PRDM16: variants seen among roughly 807,000 people sequenced by gnomAD.
PRDM16 encodes the protein histone-lysine N-methyltransferase PRDM16.
A neutral mutation model predicts 110.6 loss-of-function variants in PRDM16; 23 were observed. The observed-to-expected ratio is 0.21, with a 90% CI of 0.15 to 0.29. PRDM16 has a LOEUF of 0.29. Among genes scored for constraint, PRDM16 ranks in the 10% least tolerant of loss-of-function variants. The pLI is 1.00. For synonymous variants in PRDM16, 799 were observed against 781.8 expected, an observed-to-expected ratio of 1.02 and a Z score of -0.37; for missense variants, 1,615 against 1,794.3, an observed-to-expected ratio of 0.90 and a Z score of 1.81.
chr1:3,181,936 A>T (rs1644213883), intron 1 of PRDM16, among the ~76,000 whole-genome samples: 1 of 151,842 alleles, frequency 6.6e-6, no homozygotes, highest in Admixed American at 6.6e-5. Context: ...GGTCTTACAC[A>T]TGCTTACACA....
intron 1 of PRDM16, among the ~76,000 whole-genome samples, chr1:3,110,552 G>A (rs1320860755): frequency 6.6e-6 from 1 of 152,108 alleles, no homozygotes; most frequent in Non-Finnish European, 1.5e-5. Context: ...CCATGTCCTG[G>A]GTGTGGGGAC....
chr1:3,141,684 T>C (rs1643552977), intron 1 of PRDM16, among the ~76,000 whole-genome samples: 1 of 152,234 alleles, frequency 6.6e-6, no homozygotes, highest in African/African-American at 2.4e-5. Context: ...AAGGAGATGA[T>C]ACATTTTGTG....
intron 2 of PRDM16, among the ~76,000 whole-genome samples, chr1:3,236,997 G>C (rs1639554068): frequency 6.6e-6 from 1 of 152,172 alleles, no homozygotes; most frequent in Non-Finnish European, 1.5e-5. Context: ...GAAGCTGGGG[G>C]GCACAGGCCG....
intron 2 of PRDM16, among the ~76,000 whole-genome samples, chr1:3,210,800 G>A (rs769254658): frequency 1.1e-4 from 16 of 152,096 alleles, no homozygotes; most frequent in Admixed American, 2.6e-4. Context: ...TCATTCATTC[G>A]TTAGATATCG....
At chr1:3,077,048 C>G (rs1229442072) in intron 1 of PRDM16, among the ~76,000 whole-genome samples, 2 of 152,156 alleles carry the variant, frequency 1.3e-5, no homozygotes, top group Non-Finnish European at 2.9e-5. Context: ...TGAAGTGACC[C>G]CCACAGGGCA....
chr1:3,184,789 T>C (rs2651929), intron 1 of PRDM16, among the ~76,000 whole-genome samples: 64,240 of 152,036 alleles, frequency 0.42, 14,913 homozygotes, highest in African/African-American at 0.62. Context: ...GTCGTCTAAA[T>C]GCCGCCAAGC....
Position 3,250,066 on chromosome 1 carries a change from G to A in PRDM16, c.438+5929G>A, listed in dbSNP as rs541092028. Among the ~76,000 whole-genome samples the A allele has an allele frequency of 7.2e-5, 11 of 152,142 alleles. No individual in the cohort carries two copies. In the East Asian group the frequency reaches 7.7e-4, roughly 11 times the overall value. On this transcript the variant is annotated intron_variant, in intron 3 of 16. Transcript: ENST00000270722. ...GCCGTGGCCCTGGGGACCCTCATCC[G>A]CCCCTGGGGACCAGCCCAGGTGCCT...
At chr1:3,136,842 G>A (rs979479058) in intron 1 of PRDM16, among the ~76,000 whole-genome samples, 2 of 152,216 alleles carry the variant, frequency 1.3e-5, no homozygotes, top group Non-Finnish European at 1.5e-5. Context: ...GGGTCAGTTG[G>A]GGGTCCGGGA....
At position 3,069,809 on chromosome 1, in the gene PRDM16, C is replaced by G. The variant is rs1009074474; in HGVS notation, c.37+513C>G. On this transcript the variant is annotated intron_variant, in intron 1 of 16. Coordinates refer to ENST00000270722, the MANE Select transcript of PRDM16 (RefSeq NM_022114.4). The surrounding 1 kb of genome is among the most constrained non-coding windows in gnomAD (Gnocchi z 6.1). Reference sequence around the variant, plus strand: ...AGCACCGCCTTTGGCGTCCGCCAGCCGGGCGCAGAGGAGGGAGACCCCGAG... The same window carrying G: ...AGCACCGCCTTTGGCGTCCGCCAGCGGGGCGCAGAGGAGGGAGACCCCGAG... Among the ~76,000 whole-genome samples, 2 of 152,008 alleles carry G rather than the reference C, an allele frequency of 1.3e-5. No homozygotes were observed. The highest frequency in any genetic ancestry group is 6.5e-5 in the Admixed American group (1 of 15,280).
chr1:3,235,697 G>A (rs1018367744), intron 2 of PRDM16, among the ~76,000 whole-genome samples: 3 of 152,200 alleles, frequency 2.0e-5, no homozygotes, highest in African/African-American at 7.2e-5. Context: ...AGCTCCGCCT[G>A]ACATGGGGGA....
chr1:3,182,653 G>A (rs1484232248), intron 1 of PRDM16, among the ~76,000 whole-genome samples: 1 of 152,164 alleles, frequency 6.6e-6, no homozygotes, highest in Non-Finnish European at 1.5e-5. Context: ...AGGTCACCGT[G>A]GGCTCCCAGC....
chr1:3,197,523 G>A (rs1308798238), intron 2 of PRDM16, among the ~76,000 whole-genome samples: 2 of 152,276 alleles, frequency 1.3e-5, no homozygotes, highest in East Asian at 1.9e-4. Context: ...GTCCCTGCAA[G>A]GCTGTGCCGG....
chr1:3,177,221 C>T (rs190333246), intron 1 of PRDM16, among the ~76,000 whole-genome samples: 3 of 151,680 alleles, frequency 2.0e-5, no homozygotes, highest in Non-Finnish European at 4.4e-5. Context: ...ATTCATCCAC[C>T]CACCCACCCA....
intron 3 of PRDM16, among the ~76,000 whole-genome samples, chr1:3,306,212 A>G (rs1269142473): frequency 6.6e-6 from 1 of 152,238 alleles, no homozygotes; most frequent in African/African-American, 2.4e-5. Context: ...CTGCCACACA[A>G]GCCAGCTCCA....
chr1:3,256,852 A>G (rs1395238266), intron 3 of PRDM16, among the ~76,000 whole-genome samples: 3 of 142,218 alleles, frequency 2.1e-5, no homozygotes, highest in African/African-American at 5.0e-5. Context: ...GTGCGACTCC[A>G]TCTCAAAATA....
In PRDM16 at chr1:3,290,773, G is replaced by A. The variant is rs541868170; in HGVS notation, c.438+46636G>A. Among the ~76,000 whole-genome samples the A allele has an allele frequency of 7.0e-4, 106 of 152,118 alleles. No individual in the cohort carries two copies. The highest frequency in any genetic ancestry group is 1.4e-3 in the African/African-American group (58 of 41,502). On this transcript the variant is annotated intron_variant, in intron 3 of 16. Coordinates refer to ENST00000270722, the MANE Select transcript of PRDM16 (RefSeq NM_022114.4). The surrounding 1 kb of genome is among the most constrained non-coding windows in gnomAD (Gnocchi z 4.8). Reference sequence around the variant, plus strand: ...ATCCAAAAATATTGCAGAGTTTCCCGAGGCAGGCCCTACGAGATCCCTGAA... The same window carrying A: ...ATCCAAAAATATTGCAGAGTTTCCCAAGGCAGGCCCTACGAGATCCCTGAA...
At position 3,390,600 on chromosome 1, in the gene PRDM16, G is replaced by A. The variant is rs1414159133; in HGVS notation, c.573+5314G>A. Among the ~76,000 whole-genome samples the A allele has an allele frequency of 2.0e-5, 3 of 152,126 alleles. No individual in the cohort carries two copies. The highest frequency in any genetic ancestry group is 2.0e-4 in the Admixed American group (3 of 15,284). On this transcript the variant is annotated intron_variant, in intron 4 of 16. Coordinates refer to ENST00000270722, the MANE Select transcript of PRDM16 (RefSeq NM_022114.4). The surrounding 1 kb of genome is among the most constrained non-coding windows in gnomAD (Gnocchi z 5.0). The stretch of plus-strand genomic sequence containing the variant: ...GCCGCCGGTGGCCAGGCAGCACCGC[G>A]TGGACAAGAGCCCGCGCGGGTTGTT...
intron 2 of PRDM16, among the ~76,000 whole-genome samples, chr1:3,187,945 C>A (rs763604785): frequency 7.2e-5 from 11 of 152,208 alleles, no homozygotes; most frequent in Non-Finnish European, 1.2e-4. Flanking sequence ...GCGTACCCCC[C>A]CAACGAGAGG....
chr1:3,296,773 C>T (rs1361175193), intron 3 of PRDM16, among the ~76,000 whole-genome samples: 2 of 152,206 alleles, frequency 1.3e-5, no homozygotes, highest in East Asian at 1.9e-4. Flanking sequence ...GTGGAACTCT[C>T]GTGTGCCATT....
Sources: gnomAD v4.1 joint callset for allele counts (sites outside exome capture counted in the v4.1 genomes callset) on GRCh38, gnomAD v4.1.1 for gene constraint, Gnocchi (gnomAD v3.1) non-coding constraint, MANE v1.5 for transcripts, NCBI Gene and HGNC (gene_info 2026-07-23, HGNC 2026-07-21) for gene names.